Variants in TSHZ2 observed in about 807,000 individuals in gnomAD.
TSHZ2 encodes teashirt zinc finger homeobox 2.
Under a neutral mutation model 74.4 loss-of-function variants are expected in TSHZ2, and 21 were observed. That is an observed-to-expected ratio of 0.28 (90% confidence interval 0.20 to 0.41). The LOEUF (loss-of-function observed/expected upper bound fraction) is 0.41. Ranked by LOEUF, TSHZ2 falls within the 10% of genes least tolerant of loss-of-function variation. The pLI is 1.00. For synonymous variants in TSHZ2, 540 were observed against 515.3 expected, an observed-to-expected ratio of 1.05 and a Z score of -0.65; for missense variants, 1,244 against 1,293.5, an observed-to-expected ratio of 0.96 and a Z score of 0.59.
chr20:53,330,528 C>G (rs1290941219), intron 2 of TSHZ2, among the ~76,000 whole-genome samples: 1 of 152,162 alleles, frequency 6.6e-6, no homozygotes, highest in African/African-American at 2.4e-5. Flanking sequence ...TCCAACAGTC[C>G]TAAGAAAACC....
chr20:53,068,828 A>C (rs17329927), intron 1 of TSHZ2, among the ~76,000 whole-genome samples: 1,771 of 152,124 alleles, frequency 0.012, 15 homozygotes, highest in Admixed American at 0.018. Flanking sequence ...GCACGCTGCA[A>C]CTTAATTTTG....
intron 2 of TSHZ2, among the ~76,000 whole-genome samples, chr20:53,456,636 C>A (rs1422601966): frequency 2.2e-4 from 29 of 130,710 alleles, no homozygotes; most frequent in African/African-American, 8.7e-4. Context: ...CTTGCCCATG[C>A]CTATGTCCTG....
intron 1 of TSHZ2, among the ~76,000 whole-genome samples, chr20:53,119,352 T>G (rs1986748989): frequency 6.6e-6 from 1 of 152,244 alleles, no homozygotes; most frequent in Admixed American, 6.5e-5. Flanking sequence ...CTGGATTTGT[T>G]GCCAGTTGTC....
intron 1 of TSHZ2, among the ~76,000 whole-genome samples, chr20:53,169,083 T>C (rs1176008479): frequency 6.6e-6 from 1 of 152,222 alleles, no homozygotes; most frequent in East Asian, 1.9e-4. Context: ...GAGGTCTGAA[T>C]GAGGTTCAGG....
chr20:53,004,295 G>T (rs1365917410), intron 1 of TSHZ2, among the ~76,000 whole-genome samples: 1 of 152,124 alleles, frequency 6.6e-6, no homozygotes, highest in Non-Finnish European at 1.5e-5. Context: ...ACTTATTTTA[G>T]CTGTAATTCA....
intron 2 of TSHZ2, among the ~76,000 whole-genome samples, chr20:53,290,643 A>G (rs1293244574): frequency 3.9e-5 from 6 of 152,190 alleles, no homozygotes; most frequent in African/African-American, 1.2e-4. Flanking sequence ...TCTAGGTAAG[A>G]GGAAACACAA....
chr20:53,240,273 C>T (rs2426472), intron 1 of TSHZ2, among the ~76,000 whole-genome samples: 108,979 of 152,102 alleles, frequency 0.72, 40,285 homozygotes, highest in African/African-American at 0.91. Flanking sequence ...TAGGATGCTA[C>T]GGCAAGGTGA....
At chr20:53,086,893 A>C (rs1985716039) in intron 1 of TSHZ2, among the ~76,000 whole-genome samples, 1 of 152,228 alleles carries the variant, frequency 6.6e-6, no homozygotes, top group African/African-American at 2.4e-5. Flanking sequence ...GAAAATAAAA[A>C]ATGAATATAT....
At chr20:53,079,016 G>A (rs1011790433) in intron 1 of TSHZ2, among the ~76,000 whole-genome samples, 1 of 152,134 alleles carries the variant, frequency 6.6e-6, no homozygotes, top group African/African-American at 2.4e-5. Flanking sequence ...GATTATTGAG[G>A]AAGAAAGACT....
chr20:53,248,733 T>C (rs894445738), intron 1 of TSHZ2, among the ~76,000 whole-genome samples: 2 of 152,258 alleles, frequency 1.3e-5, no homozygotes, highest in African/African-American at 4.8e-5. Flanking sequence ...GCAGCCTTTA[T>C]ACTTAGGAGT....
intron 2 of TSHZ2, among the ~76,000 whole-genome samples, chr20:53,257,937 G>T (rs1990516809): frequency 1.3e-5 from 2 of 152,220 alleles, no homozygotes; most frequent in South Asian, 4.1e-4. Flanking sequence ...AGAGTTCCAG[G>T]TAGAGAGCGG....
At chr20:53,216,537 C>T (rs145687498) in intron 1 of TSHZ2, among the ~76,000 whole-genome samples, 12 of 152,314 alleles carry the variant, frequency 7.9e-5, no homozygotes, top group Non-Finnish European at 1.5e-4. Flanking sequence ...AGCATAGGTG[C>T]GACCCAACCA....
intron 2 of TSHZ2, among the ~76,000 whole-genome samples, chr20:53,455,025 T>C (rs757797148): frequency 6.6e-5 from 10 of 152,166 alleles, no homozygotes; most frequent in Non-Finnish European, 1.5e-4. Flanking sequence ...CCCTGCTATA[T>C]AAAACCCTTA....
At chr20:53,008,012 A>G (rs73620421) in intron 1 of TSHZ2, among the ~76,000 whole-genome samples, 9,338 of 152,208 alleles carry the variant, frequency 0.061, 565 homozygotes, top group South Asian at 0.32. Context: ...AGCATTTTGT[A>G]TCTCACACCA....
intron 1 of TSHZ2, among the ~76,000 whole-genome samples, chr20:53,197,251 C>A (rs16997728): frequency 0.05 from 7,681 of 152,246 alleles, 461 homozygotes; most frequent in East Asian, 0.31. Flanking sequence ...CAGTTGCTGG[C>A]TAAACAGTGT....
At chr20:53,338,039 C>T (rs183852112) in intron 2 of TSHZ2, among the ~76,000 whole-genome samples, 100 of 152,268 alleles carry the variant, frequency 6.6e-4, no homozygotes, top group African/African-American at 2.3e-3. Flanking sequence ...ACCTCTCTGA[C>T]CCTCCATCTC....
At chr20:53,422,699 C>T (rs1045662035) in intron 2 of TSHZ2, among the ~76,000 whole-genome samples, 1 of 152,170 alleles carries the variant, frequency 6.6e-6, no homozygotes, top group Non-Finnish European at 1.5e-5. Flanking sequence ...GGGCTTTTCT[C>T]ATTACAATCT....
At chr20:53,456,089 C>T (rs948102200) in intron 2 of TSHZ2, among the ~76,000 whole-genome samples, 1 of 152,024 alleles carries the variant, frequency 6.6e-6, no homozygotes, top group Non-Finnish European at 1.5e-5. Context: ...AATGGGATGG[C>T]TGGGTCAAAT....
chr20:53,452,254 A>C (rs1984817446), intron 2 of TSHZ2, among the ~76,000 whole-genome samples: 1 of 152,200 alleles, frequency 6.6e-6, no homozygotes, highest in Non-Finnish European at 1.5e-5. Flanking sequence ...GGAGAATTTG[A>C]GCCCATCTCT....
Sources: allele counts gnomAD v4.1 joint callset (sites outside exome capture counted in the v4.1 genomes callset), GRCh38; gene constraint gnomAD v4.1.1; transcripts MANE v1.5; gene names NCBI Gene and HGNC (gene_info 2026-07-23, HGNC 2026-07-21).